The following KRIT1 variants were observed in gnomAD, a reference collection of about 807,000 sequenced individuals.
KRIT1 encodes the protein krev interaction trapped protein 1.
A neutral mutation model predicts 95.8 loss-of-function variants in KRIT1; 45 were observed. The ratio of observed to expected loss-of-function variants is 0.47; its 90% CI spans 0.37 to 0.60. The LOEUF (loss-of-function observed/expected upper bound fraction) is 0.60. KRIT1 is among the 20% of genes least tolerant of loss of function. The pLI is 0.00. For synonymous variants in KRIT1, 282 were observed against 278.8 expected, an observed-to-expected ratio of 1.01 and a Z score of -0.11; for missense variants, 788 against 877.5, an observed-to-expected ratio of 0.90 and a Z score of 1.29.
chr7:92,209,616 TA>T (rs557174708), intron 17 of KRIT1, among the ~76,000 whole-genome samples: 1 of 151,816 alleles, frequency 6.6e-6, no homozygotes, highest in African/African-American at 2.4e-5. Context: ...CTATAGCTAG[TA>T]AAAAAAATCA....
intron 4 of KRIT1, 72 bp from the exon 5 acceptor site, chr7:92,241,224 G>A (rs1345889765): frequency 1.8e-6 from 2 of 1,140,620 alleles, no homozygotes; most frequent in East Asian, 4.9e-5. Flanking sequence ...CAATAAGCTA[G>A]CAGTCTTTCT....
rs1051131327 is a variant in KRIT1, at chr7:92,201,396, A to G, written c.2053T>C (p.Cys685Arg). Residue 685 changes from cysteine (C) to arginine (R), a missense_variant, in exon 18 of 19, where the codon TGT becomes CGT. Transcript: ENST00000394505. Reference sequence around the variant, plus strand: ...GTATCTCCCAATTGCCACATAAAACAACCATACTTAAGACTGATGAGTAAA... The same window carrying G: ...GTATCTCCCAATTGCCACATAAAACGACCATACTTAAGACTGATGAGTAAA... Reference protein sequence around the residue: ...KALLISLKYGCFMWQLGDTDT... With the variant: ...KALLISLKYGRFMWQLGDTDT... The G allele has an allele frequency of 7.6e-6, 12 of 1,582,276 alleles. No individual in the cohort carries two copies. The highest frequency in any genetic ancestry group is 9.6e-6 in the Non-Finnish European group (11 of 1,151,222).
intron 17 of KRIT1, among the ~76,000 whole-genome samples, chr7:92,204,985 A>T (rs948943587): frequency 2.0e-4 from 31 of 152,316 alleles, no homozygotes; most frequent in Admixed American, 9.2e-4. Flanking sequence ...TAACCCTGAA[A>T]ATTAATATAA....
intron 17 of KRIT1, among the ~76,000 whole-genome samples, chr7:92,207,343 G>A (rs1784988423): frequency 6.6e-6 from 1 of 151,824 alleles, no homozygotes; most frequent in African/African-American, 2.4e-5. Context: ...GAAGAGCCTG[G>A]GATGATGTGT....
chr7:92,227,603 C>T (rs879046317), intron 10 of KRIT1, among the ~76,000 whole-genome samples: 6 of 152,060 alleles, frequency 3.9e-5, no homozygotes, highest in Admixed American at 6.5e-5. Context: ...GGTGCAATCT[C>T]AGCTCACTGT....
At chr7:92,236,358 C>CTACTATAAACA in intron 7 of KRIT1, 55 bp downstream of exon 7, 1 of 1,202,812 alleles carries the variant, frequency 8.3e-7, no homozygotes, top group Non-Finnish European at 1.2e-6. Flanking sequence ...CAACTAATTT[C>CTACTATAAACA]TACTATAAAC....
At chr7:92,202,324 A>G (rs1790362421) in intron 17 of KRIT1, 1 of 152,236 alleles carries the variant, frequency 6.6e-6, no homozygotes, top group Admixed American at 6.5e-5. Context: ...ACTACTGCAC[A>G]TGGACCAGCC....
intron 3 of KRIT1, among the ~76,000 whole-genome samples, chr7:92,242,806 T>C (rs1799977200): frequency 6.6e-6 from 1 of 152,244 alleles, no homozygotes; most frequent in South Asian, 2.1e-4. Context: ...ATTTCCTTGA[T>C]AATCCAAATT....
chr7:92,239,843 T>C (rs1213088009), intron 5 of KRIT1, among the ~76,000 whole-genome samples: 2 of 151,872 alleles, frequency 1.3e-5, no homozygotes. Flanking sequence ...CCTGAGTAGC[T>C]GGGACTATAG....
chr7:92,204,823 T>C (rs1791040111), intron 17 of KRIT1, among the ~76,000 whole-genome samples: 1 of 152,074 alleles, frequency 6.6e-6, no homozygotes, highest in Non-Finnish European at 1.5e-5. Context: ...TACCAGTCCA[T>C]GGCCTGGGTG....
chr7:92,228,164 T>TTTTTAAA (rs1382597952), intron 10 of KRIT1, among the ~76,000 whole-genome samples: 16 of 152,168 alleles, frequency 1.1e-4, no homozygotes, highest in Admixed American at 6.5e-4. Flanking sequence ...CTGAACTGAA[T>TTTTTAAA]TTTTAAATAG....
At chr7:92,225,635 T>C (rs1796058350) in intron 12 of KRIT1, 85 bp downstream of exon 12, 1 of 821,186 alleles carries the variant, frequency 1.2e-6, no homozygotes, top group East Asian at 2.5e-5. Flanking sequence ...TCTAATCGTC[T>C]TTCCACTCTT....
chr7:92,203,848 T>C (rs1396436002), intron 17 of KRIT1, among the ~76,000 whole-genome samples: 1 of 152,154 alleles, frequency 6.6e-6, no homozygotes, highest in Admixed American at 6.5e-5. Context: ...CATTTCTCCT[T>C]CATTTCCTTT....
intron 13 of KRIT1, 143 bp downstream of exon 13, chr7:92,222,679 C>T (rs1451055219): frequency 1.6e-6 from 1 of 633,730 alleles, no homozygotes; most frequent in Admixed American, 2.7e-5. Flanking sequence ...GCAGTTTGAA[C>T]ACTAGTAATT....
chr7:92,241,294 C>T, intron 4 of KRIT1, 142 bp from the exon 5 acceptor site: 1 of 684,086 alleles, frequency 1.5e-6, no homozygotes, highest in Non-Finnish European at 2.5e-6. Context: ...AATGCCCAGC[C>T]CCATCCCACA....
chr7:92,227,227 T>C lies in KRIT1; in HGVS notation c.990-545A>G, dbSNP rs142262544. Reference sequence around the variant, plus strand: ...AAACATAAACATGGGATAAGTTACATAATGCTGTAAAATTTAAGTATGGTA... The same window carrying C: ...AAACATAAACATGGGATAAGTTACACAATGCTGTAAAATTTAAGTATGGTA... On this transcript the variant is annotated intron_variant, in intron 10 of 18. Transcript: ENST00000394505. 1.8e-3 allele frequency among the ~76,000 whole-genome samples: 273 copies of C among 152,314 alleles called. 1 individual carries two copies. Among genetic ancestry groups the C allele is most frequent in the African/African-American group, 6.1e-3 (255 of 41,576 alleles).
intron 17 of KRIT1, among the ~76,000 whole-genome samples, chr7:92,201,761 C>A (rs1790212173): frequency 1.3e-5 from 2 of 152,034 alleles, no homozygotes; most frequent in African/African-American, 4.8e-5. Context: ...TGTTCAACTC[C>A]CACTTATGAG....
chr7:92,236,116 C>A, intron 7 of KRIT1: 1 of 288,206 alleles, frequency 3.5e-6, no homozygotes, highest in Non-Finnish European at 6.5e-6. Flanking sequence ...ATGACTTCTT[C>A]ACTGATAAGA....
chr7:92,201,145 T>C (rs1307140060), intron 18 of KRIT1, among the ~76,000 whole-genome samples, 162 bp downstream of exon 18: 1 of 152,248 alleles, frequency 6.6e-6, no homozygotes, highest in African/African-American at 2.4e-5. Context: ...TTTCTGATTT[T>C]TCCTTGCTTA....
Sources: gnomAD v4.1 joint callset for allele counts (sites outside exome capture counted in the v4.1 genomes callset) on GRCh38, gnomAD v4.1.1 for gene constraint, MANE v1.5 for transcripts, NCBI Gene and HGNC (gene_info 2026-07-23, HGNC 2026-07-21) for gene names.